The following UBE4B variants were observed in gnomAD, a reference collection of about 807,000 sequenced individuals.
UBE4B encodes the protein ubiquitin conjugation factor E4 B.
UBE4B carries 27 observed loss-of-function variants against 148.1 expected under a neutral mutation model. The observed-to-expected ratio is 0.18, with a 90% CI of 0.13 to 0.25. UBE4B has a LOEUF of 0.25. Among genes scored for constraint, UBE4B ranks in the 10% least tolerant of loss-of-function variants. The pLI, the probability that UBE4B is intolerant of heterozygous loss-of-function variation, is 1.00. For missense variants in UBE4B, 1,170 were observed against 1,662.4 expected (o/e 0.70, Z 5.15); for synonymous variants, 596 against 619.3 (o/e 0.96, Z 0.56).
intron 25 of UBE4B, among the ~76,000 whole-genome samples, chr1:10,173,508 T>C (rs570889598): frequency 1.7e-4 from 25 of 150,004 alleles, no homozygotes; most frequent in East Asian, 5.9e-4. Flanking sequence ...TATATATATA[T>C]ACACACACAC....
intron 7 of UBE4B, chr1:10,107,297 A>AGAT: frequency 1.6e-6 from 2 of 1,289,598 alleles, no homozygotes; most frequent in Middle Eastern, 2.1e-4. Context: ...ATGAAGAAGA[A>AGAT]GATGATGATG....
intron 2 of UBE4B, among the ~76,000 whole-genome samples, chr1:10,078,427 A>G (rs72861422): frequency 0.048 from 7,352 of 152,254 alleles, 260 homozygotes; most frequent in Middle Eastern, 0.11. Flanking sequence ...CTTTTAGCCT[A>G]GTTGGGGAGG....
At chr1:10,043,170 C>T (rs894396899) in intron 1 of UBE4B, among the ~76,000 whole-genome samples, 23 of 151,212 alleles carry the variant, frequency 1.5e-4, no homozygotes, top group Admixed American at 9.2e-4. Flanking sequence ...CCACCATGCC[C>T]GGCTAATTTT....
chr1:10,148,893 TTG>T (rs1422464636), intron 19 of UBE4B, among the ~76,000 whole-genome samples: 1 of 151,774 alleles, frequency 6.6e-6, no homozygotes. Context: ...TGAGCCAAGA[TTG>T]CACCACTGCA....
chr1:10,107,136 T>G (rs1645125975), intron 7 of UBE4B: 1 of 1,236,906 alleles, frequency 8.1e-7, no homozygotes, highest in Non-Finnish European at 1.1e-6. Context: ...GTATGGTTTA[T>G]TTAAAAGGAC....
At chr1:10,060,772 T>C (rs1000834108) in intron 1 of UBE4B, among the ~76,000 whole-genome samples, 5 of 152,124 alleles carry the variant, frequency 3.3e-5, no homozygotes, top group African/African-American at 9.7e-5. Flanking sequence ...ACAATTTTTT[T>C]TTTTTTGGAG....
intron 25 of UBE4B, among the ~76,000 whole-genome samples, 173 bp downstream of exon 25, chr1:10,171,502 C>A (rs1557616117): frequency 6.6e-6 from 1 of 152,126 alleles, no homozygotes; most frequent in Non-Finnish European, 1.5e-5. Context: ...TCCCAACATT[C>A]TGGGAGGCCA....
chr1:10,160,525 G>T (rs1646144069), intron 22 of UBE4B, among the ~76,000 whole-genome samples: 1 of 152,106 alleles, frequency 6.6e-6, no homozygotes, highest in Non-Finnish European at 1.5e-5. Flanking sequence ...TTCCTCTGTT[G>T]CCCAATTTAA....
At chr1:10,156,530 G>A (rs958287023) in intron 21 of UBE4B, among the ~76,000 whole-genome samples, 1 of 152,082 alleles carries the variant, frequency 6.6e-6, no homozygotes, top group African/African-American at 2.4e-5. Flanking sequence ...GCGGGGCCCT[G>A]CTGAGATACA....
chr1:10,149,335 T>A, intron 20 of UBE4B, 53 bp downstream of exon 20: 1 of 1,373,924 alleles, frequency 7.3e-7, no homozygotes, highest in Non-Finnish European at 1.0e-6. Context: ...TGCATAATAG[T>A]ATAATATTCT....
At position 10,147,053 on chromosome 1, in the gene UBE4B, C is replaced by T. The variant is rs1645884882; in HGVS notation, c.2554C>T (p.Gln852Ter). ...RCLNFYGLLI[Q>*]LLLRILDPAY... is the part of the protein sequence containing the mutation. ...TCTGAATTTTTATGGCCTTCTCATT[C>T]AGCTGCTGCTCCGCATCCTGGACCC... The change falls in exon 19 of 28, where the codon CAG (glutamine) becomes TAG (stop). Residue 852 changes from glutamine (Q) to a stop codon, truncating the protein, a stop_gained. Transcript: ENST00000343090. LOFTEE classifies it high-confidence loss of function. The T allele has an allele frequency of 6.2e-7, 1 of 1,614,056 alleles. No individual in the cohort carries two copies. Among genetic ancestry groups the T allele is most frequent in the Admixed American group, 1.7e-5 (1 of 59,984 alleles).
chr1:10,062,535 A>T (rs950156667), intron 1 of UBE4B, among the ~76,000 whole-genome samples: 1 of 132,158 alleles, frequency 7.6e-6, no homozygotes, highest in East Asian at 2.4e-4. Flanking sequence ...CTGGTCTCGA[A>T]CTCCTGACCT....
At chr1:10,126,083 G>A (rs767100076) in intron 10 of UBE4B, among the ~76,000 whole-genome samples, 5 of 152,086 alleles carry the variant, frequency 3.3e-5, no homozygotes, top group African/African-American at 4.8e-5. Flanking sequence ...GGTGGATCAC[G>A]AGGTCAGGAG....
intron 2 of UBE4B, among the ~76,000 whole-genome samples, chr1:10,084,778 G>A (rs1394163020): frequency 6.7e-6 from 1 of 150,128 alleles, no homozygotes; most frequent in Non-Finnish European, 1.5e-5. Context: ...GCTCACTGTA[G>A]CCTCCACCTC....
intron 19 of UBE4B, among the ~76,000 whole-genome samples, chr1:10,147,677 G>T (rs1266091193): frequency 6.6e-6 from 1 of 152,104 alleles, no homozygotes; most frequent in African/African-American, 2.4e-5. Context: ...GATAGAAAGA[G>T]AAATCTATAA....
chr1:10,094,457 G>A (rs1025641754), intron 2 of UBE4B, among the ~76,000 whole-genome samples: 1 of 147,984 alleles, frequency 6.8e-6, no homozygotes, highest in African/African-American at 2.5e-5. Context: ...TTTTTTAGAC[G>A]GAGTCTTGCT....
At chr1:10,048,814 A>G (rs1053827338) in intron 1 of UBE4B, among the ~76,000 whole-genome samples, 2 of 152,194 alleles carry the variant, frequency 1.3e-5, no homozygotes, top group Admixed American at 6.5e-5. Flanking sequence ...CGTAGGCTCC[A>G]GGGGTGCACT....
intron 16 of UBE4B, among the ~76,000 whole-genome samples, chr1:10,136,581 CTCT>C (rs954530879): frequency 1.5e-4 from 23 of 151,616 alleles, no homozygotes; most frequent in Non-Finnish European, 2.6e-4. Context: ...AACAGGAATT[CTCT>C]TCTTCTTGTA....
chr1:10,137,978 A>G (rs1645720301), intron 17 of UBE4B, among the ~76,000 whole-genome samples: 1 of 111,722 alleles, frequency 9.0e-6, no homozygotes, highest in Non-Finnish European at 1.6e-5. Context: ...TCTGTTGCCC[A>G]GGCTGGAGTG....
Sources: gnomAD v4.1 joint callset for allele counts (sites outside exome capture counted in the v4.1 genomes callset) on GRCh38, gnomAD v4.1.1 for gene constraint, MANE v1.5 for transcripts, NCBI Gene and HGNC (gene_info 2026-07-23, HGNC 2026-07-21) for gene names.